The following NETO1 variants were observed in gnomAD, a reference collection of about 807,000 sequenced individuals.
NETO1 encodes the protein neuropilin and tolloid like 1.
In NETO1, 26 loss-of-function variants were observed where a neutral mutation model predicts 61.3. That is an observed-to-expected ratio of 0.42 (90% CI 0.31 to 0.59). NETO1 has a LOEUF of 0.59. NETO1 is among the 20% of genes least tolerant of loss of function. The pLI, the probability that NETO1 is intolerant of heterozygous loss-of-function variation, is 0.12. For missense variants in NETO1, 531 were observed against 662.8 expected, an observed-to-expected ratio of 0.80 and a Z score of 2.18; for synonymous variants, 225 against 225.8, an observed-to-expected ratio of 1.00 and a Z score of 0.03.
In NETO1 at chr18:72,778,710, A is replaced by G. The variant is rs76993137; in HGVS notation, c.868+4968T>C. Among the ~76,000 whole-genome samples, 623 of 152,280 alleles carry G rather than the reference A, an allele frequency of 4.1e-3. 6 individuals carry two copies. The highest frequency in any genetic ancestry group is 0.014 in the African/African-American group (586 of 41,558). On this transcript the variant is annotated intron_variant, in intron 7 of 10. Transcript: ENST00000327305. ...ATATTTCTATAAGCATTCTGTTCAGAATAACTTAGGAATTATCTAACAAGA... is the reference window on the plus strand; with the variant it reads ...ATATTTCTATAAGCATTCTGTTCAGGATAACTTAGGAATTATCTAACAAGA...
At chr18:72,748,360 A>C (rs1025712288) in intron 10 of NETO1, 196 bp from the exon 11 acceptor site, 73 of 905,658 alleles carry the variant, frequency 8.1e-5, no homozygotes, top group Non-Finnish European at 9.4e-5. Flanking sequence ...AGATATAAAC[A>C]ATCAAGAGCA....
In NETO1 at chr18:72,859,069, G is replaced by C. The variant is rs776952255; in HGVS notation, c.226C>G (p.Pro76Ala). ...RECIYIIEAA[P>A]RQCIELYFDE... ...AAGTAAAGTTCAATGCACTGTCTTG[G>C]AGCGGCTGTAAAGAAGAAAGATTGT... is the stretch of plus-strand genomic sequence containing the variant. Residue 76 changes from proline to alanine, a missense_variant, in exon 4 of 11, where the codon CCA (proline) becomes GCA (alanine). By Grantham distance (27) the Pro-to-Ala change is conservative. Coordinates refer to ENST00000327305, the MANE Select transcript of NETO1 (RefSeq NM_138966.5). The C allele has an allele frequency of 1.3e-6, 2 of 1,594,792 alleles. No individual in the cohort carries two copies. The highest frequency in any genetic ancestry group is 2.2e-5 in the East Asian group (1 of 44,540).
intron 7 of NETO1, among the ~76,000 whole-genome samples, chr18:72,781,829 T>C (rs1438360305): frequency 6.6e-6 from 1 of 151,454 alleles, no homozygotes; most frequent in Non-Finnish European, 1.5e-5. Context: ...AAGGTGCTTA[T>C]TTCTTTTCAT....
At chr18:72,760,159 G>A (rs577965406) in intron 7 of NETO1, among the ~76,000 whole-genome samples, 1 of 152,282 alleles carries the variant, frequency 6.6e-6, no homozygotes, top group African/African-American at 2.4e-5. Context: ...ACCCAAAGAA[G>A]ATGGAAATTG....
intron 4 of NETO1, among the ~76,000 whole-genome samples, chr18:72,810,727 T>C (rs1478213780): frequency 6.6e-6 from 1 of 152,208 alleles, no homozygotes; most frequent in African/African-American, 2.4e-5. Context: ...CGCTCGTTTT[T>C]CTGTCATTCA....
chr18:72,765,919 T>C (rs1334198676), intron 7 of NETO1, among the ~76,000 whole-genome samples: 2 of 152,138 alleles, frequency 1.3e-5, no homozygotes, highest in East Asian at 3.9e-4. Context: ...TAAAAATACA[T>C]AGCTTGGCTG....
At chr18:72,834,574 C>T (rs1251543952) in intron 4 of NETO1, 1 of 979,720 alleles carries the variant, frequency 1.0e-6, no homozygotes, top group Non-Finnish European at 1.2e-6. Flanking sequence ...TAATCTATTT[C>T]ACAACACTAT....
chr18:72,748,732 T>C (rs747827217), intron 10 of NETO1, among the ~76,000 whole-genome samples: 8 of 152,116 alleles, frequency 5.3e-5, no homozygotes, highest in African/African-American at 7.2e-5. Context: ...AACTTTACCT[T>C]AAAACATGTA....
intron 7 of NETO1, among the ~76,000 whole-genome samples, chr18:72,777,513 G>A (rs891801644): frequency 6.6e-6 from 1 of 151,804 alleles, no homozygotes; most frequent in African/African-American, 2.4e-5. Flanking sequence ...ATGCCGAGGG[G>A]TTGGATCACG....
rs543633751 is a variant in NETO1, at chr18:72,784,982, A to G, written c.640-1076T>C. The stretch of plus-strand genomic sequence containing the variant: ...CAATGTCAAAGAGTGGAAATTATAT[A>G]AAGCCAAAAGACCCATGCACTTTGA... On this transcript the variant is annotated intron_variant, in intron 6 of 10. Transcript: ENST00000327305. Among the ~76,000 whole-genome samples, 23 of 152,348 alleles carry G rather than the reference A, an allele frequency of 1.5e-4. No individual in the cohort carries two copies. In the East Asian group the frequency reaches 4.4e-3, roughly 29 times the overall value.
At chr18:72,782,644 A>C (rs1375951766) in intron 7 of NETO1, among the ~76,000 whole-genome samples, 1 of 152,056 alleles carries the variant, frequency 6.6e-6, no homozygotes, top group African/African-American at 2.4e-5. Context: ...ATCTCTACTA[A>C]TAATACAAAA....
chr18:72,795,251 T>G (rs2145287034), intron 4 of NETO1, among the ~76,000 whole-genome samples: 1 of 152,340 alleles, frequency 6.6e-6, no homozygotes, highest in African/African-American at 2.4e-5. Context: ...TTTAGAGAGC[T>G]TCTGAGAAAG....
At chr18:72,812,262 C>A (rs138567380) in intron 4 of NETO1, among the ~76,000 whole-genome samples, 121 of 152,358 alleles carry the variant, frequency 7.9e-4, no homozygotes, top group African/African-American at 2.8e-3. Flanking sequence ...CACAGTCTGT[C>A]TGATTGCACA....
intron 7 of NETO1, among the ~76,000 whole-genome samples, chr18:72,762,930 A>G (rs1221235896): frequency 6.6e-6 from 1 of 152,204 alleles, no homozygotes; most frequent in East Asian, 1.9e-4. Flanking sequence ...ACTCAAAATA[A>G]AGGTAGATTT....
At chr18:72,852,667 G>A (rs2074287592) in intron 4 of NETO1, among the ~76,000 whole-genome samples, 1 of 151,944 alleles carries the variant, frequency 6.6e-6, no homozygotes. Context: ...GACCAAACAA[G>A]ATTTCTGTCT....
chr18:72,799,293 G>A (rs2145307042), intron 4 of NETO1, among the ~76,000 whole-genome samples: 1 of 152,288 alleles, frequency 6.6e-6, no homozygotes, highest in East Asian at 1.9e-4. Flanking sequence ...TATGCAATCT[G>A]GGATGACGAG....
chr18:72,758,403 G>GTGT (rs2070858010), intron 7 of NETO1, among the ~76,000 whole-genome samples: 1 of 150,746 alleles, frequency 6.6e-6, no homozygotes, highest in Non-Finnish European at 1.5e-5. Flanking sequence ...GTGTGTGTGT[G>GTGT]TGTGTGTGGA....
intron 4 of NETO1, among the ~76,000 whole-genome samples, chr18:72,808,480 G>T (rs929381285): frequency 1.4e-4 from 21 of 148,646 alleles, no homozygotes; most frequent in African/African-American, 4.7e-4. Context: ...TGAGGAGATG[G>T]CATTAATCTC....
intron 4 of NETO1, among the ~76,000 whole-genome samples, chr18:72,847,398 AGC>A (rs746256295): frequency 6.0e-4 from 92 of 152,330 alleles, no homozygotes; most frequent in Middle Eastern, 3.4e-3. Context: ...AATGGTGGGA[AGC>A]GAGCCAGCTG....
Sources: gnomAD v4.1 joint callset for allele counts (sites outside exome capture counted in the v4.1 genomes callset) on GRCh38, gnomAD v4.1.1 for gene constraint, MANE v1.5 for transcripts, NCBI Gene and HGNC (gene_info 2026-07-23, HGNC 2026-07-21) for gene names.